The following NKAIN2 variants were observed in gnomAD, a reference collection of about 807,000 sequenced individuals.
The protein encoded by NKAIN2 is sodium/potassium-transporting ATPase subunit beta-1-interacting protein 2.
NKAIN2 carries 14 observed loss-of-function variants against 32.6 expected under a neutral mutation model. That is an observed-to-expected ratio of 0.43 (90% CI 0.28 to 0.67). The LOEUF is 0.67. NKAIN2 is among the 30% of genes least tolerant of loss of function. The pLI is 0.17. For synonymous variants in NKAIN2, 80 were observed against 87.2 expected (o/e 0.92, Z 0.46); for missense variants, 198 against 258.3 (o/e 0.77, Z 1.60).
At chr6:124,692,234 G>A (rs1003434224) in intron 4 of NKAIN2, among the ~76,000 whole-genome samples, 23 of 151,998 alleles carry the variant, frequency 1.5e-4, no homozygotes, top group Non-Finnish European at 2.9e-4. Context: ...TTTTCATAAC[G>A]GCTAAAAGTA....
intron 2 of NKAIN2, among the ~76,000 whole-genome samples, chr6:124,295,679 G>T (rs1225167769): frequency 6.6e-6 from 1 of 152,094 alleles, no homozygotes; most frequent in Non-Finnish European, 1.5e-5. Flanking sequence ...CATTAGGGTT[G>T]AAAGTGAATG....
intron 1 of NKAIN2, among the ~76,000 whole-genome samples, chr6:123,979,067 G>A (rs1778774819): frequency 6.6e-6 from 1 of 152,060 alleles, no homozygotes; most frequent in African/African-American, 2.4e-5. Context: ...TAAATTCTGA[G>A]CAATTATGTT....
chr6:124,797,890 A>G (rs1780073202), intron 5 of NKAIN2, among the ~76,000 whole-genome samples: 1 of 152,190 alleles, frequency 6.6e-6, no homozygotes, highest in Non-Finnish European at 1.5e-5. Flanking sequence ...CAGAAAGCAT[A>G]GACAATACAG....
chr6:124,384,047 C>T (rs573320679), intron 3 of NKAIN2, among the ~76,000 whole-genome samples: 1 of 152,256 alleles, frequency 6.6e-6, no homozygotes, highest in African/African-American at 2.4e-5. Context: ...ATTCAATAAA[C>T]ATTAATTATC....
At chr6:123,904,545 G>T (rs913076941) in intron 1 of NKAIN2, among the ~76,000 whole-genome samples, 5 of 152,282 alleles carry the variant, frequency 3.3e-5, no homozygotes, top group African/African-American at 4.8e-5. Context: ...TGCTTTAATG[G>T]TTTCTTACAA....
intron 1 of NKAIN2, among the ~76,000 whole-genome samples, chr6:123,959,005 A>T (rs1777722834): frequency 6.6e-6 from 1 of 152,210 alleles, no homozygotes; most frequent in African/African-American, 2.4e-5. Context: ...GGAAGCTTTC[A>T]TCCCTAAGTG....
chr6:123,826,819 C>T (rs1293876658), intron 1 of NKAIN2, among the ~76,000 whole-genome samples: 1 of 152,104 alleles, frequency 6.6e-6, no homozygotes, highest in Admixed American at 6.6e-5. Flanking sequence ...GTACAAGTAT[C>T]TGTTCAAGTT....
rs193157179 is a variant in NKAIN2, at chr6:124,431,413, C to T, written c.273+76066C>T. On this transcript the variant is annotated intron_variant, in intron 3 of 6. Transcript: ENST00000368417. Reference sequence around the variant, plus strand: ...AAGCAGTCACCAAGATTATTCAAAACGTATTTTAAAATAATTACCACCATT... The same window carrying T: ...AAGCAGTCACCAAGATTATTCAAAATGTATTTTAAAATAATTACCACCATT... Among the ~76,000 whole-genome samples, 298 of 152,248 alleles carry T rather than the reference C, an allele frequency of 2.0e-3. 1 individual carries two copies. Among genetic ancestry groups the T allele is most frequent in the African/African-American group, 5.3e-3 (222 of 41,552 alleles).
At chr6:124,209,383 C>G (rs974081958) in intron 1 of NKAIN2, among the ~76,000 whole-genome samples, 1 of 151,518 alleles carries the variant, frequency 6.6e-6, no homozygotes, top group African/African-American at 2.4e-5. Flanking sequence ...TAAATTGATT[C>G]CTATTGTGAA....
At chr6:124,062,127 AAACTT>A (rs773903031) in intron 1 of NKAIN2, among the ~76,000 whole-genome samples, 24 of 152,324 alleles carry the variant, frequency 1.6e-4, no homozygotes, top group Middle Eastern at 3.4e-3. Context: ...ATATAAATAA[AAACTT>A]AAGTATAAAC....
At chr6:123,879,404 G>C (rs1174067887) in intron 1 of NKAIN2, among the ~76,000 whole-genome samples, 1 of 152,138 alleles carries the variant, frequency 6.6e-6, no homozygotes. Flanking sequence ...TTTTGTATTG[G>C]GGTGAAGGCT....
intron 1 of NKAIN2, among the ~76,000 whole-genome samples, chr6:124,136,277 G>A (rs534825527): frequency 5.9e-4 from 90 of 152,144 alleles, no homozygotes; most frequent in African/African-American, 2.1e-3. Context: ...AGATGGATAA[G>A]TTCCTGGAAA....
At chr6:124,355,412 C>A (rs1798925581) in intron 3 of NKAIN2, 65 bp downstream of exon 3, 6 of 879,706 alleles carry the variant, frequency 6.8e-6, no homozygotes, top group African/African-American at 1.6e-5. Context: ...CTAAGTAAGG[C>A]AGAGTCTCAT....
intron 3 of NKAIN2, among the ~76,000 whole-genome samples, chr6:124,551,022 T>C (rs530275132): frequency 6.6e-6 from 1 of 152,192 alleles, no homozygotes; most frequent in African/African-American, 2.4e-5. Flanking sequence ...AATTCGGGGG[T>C]CATAAATATA....
At chr6:123,952,591 TA>T (rs1777380052) in intron 1 of NKAIN2, among the ~76,000 whole-genome samples, 2 of 152,194 alleles carry the variant, frequency 1.3e-5, no homozygotes, top group African/African-American at 4.8e-5. Context: ...ACATTCTTTT[TA>T]ATTTGTATCT....
At chr6:124,035,749 GCC>G (rs1403705486) in intron 1 of NKAIN2, among the ~76,000 whole-genome samples, 1 of 152,086 alleles carries the variant, frequency 6.6e-6, no homozygotes, top group Non-Finnish European at 1.5e-5. Context: ...TTCAAACCCT[GCC>G]GTGTTTCAAA....
chr6:123,986,879 G>T lies in NKAIN2; in HGVS notation c.54+182625G>T, dbSNP rs543866327. 2.4e-4 allele frequency among the ~76,000 whole-genome samples: 36 copies of T among 152,268 alleles called. 1 individual carries two copies. The South Asian group carries it at 6.9e-3, about 29-fold the overall frequency. ...AGAGATCTCATTCATGGACTGGTTT[G>T]GTGTTGAGGTTGCCTGGGTGTTTGA... On this transcript the variant is annotated intron_variant, in intron 1 of 6. Transcript: ENST00000368417.
chr6:124,741,973 A>C (rs372691215), intron 4 of NKAIN2, among the ~76,000 whole-genome samples: 1 of 151,834 alleles, frequency 6.6e-6, no homozygotes, highest in African/African-American at 2.4e-5. Flanking sequence ...ACAACGAAAC[A>C]ATGAAAGTGT....
chr6:123,997,554 T>G (rs1044904560), intron 1 of NKAIN2, among the ~76,000 whole-genome samples: 1 of 151,502 alleles, frequency 6.6e-6, no homozygotes, highest in Non-Finnish European at 1.5e-5. Context: ...ATTTTTTAAA[T>G]TTTTCCATCT....
Sources: allele counts gnomAD v4.1 joint callset (sites outside exome capture counted in the v4.1 genomes callset), GRCh38; gene constraint gnomAD v4.1.1; transcripts MANE v1.5; gene names NCBI Gene and HGNC (gene_info 2026-07-23, HGNC 2026-07-21).